TAFA1: variants seen among roughly 807,000 people sequenced by gnomAD.
TAFA1 encodes TAFA chemokine like family member 1.
In TAFA1, 4 loss-of-function variants were observed where a neutral mutation model predicts 18.5. The observed-to-expected ratio is 0.22, with a 90% CI of 0.11 to 0.49. TAFA1 has a LOEUF of 0.49. Ranked by LOEUF, TAFA1 falls within the 20% of genes least tolerant of loss-of-function variation. The pLI, the probability that TAFA1 is intolerant of heterozygous loss-of-function variation, is 0.98. For synonymous variants in TAFA1, 56 were observed against 55.2 expected (o/e 1.01, Z -0.06); for missense variants, 147 against 169.0 (o/e 0.87, Z 0.72).
At chr3:68,457,926 C>A (rs2071696818) in intron 3 of TAFA1, among the ~76,000 whole-genome samples, 1 of 152,070 alleles carries the variant, frequency 6.6e-6, no homozygotes, top group South Asian at 2.1e-4. Context: ...GTCCCATAGA[C>A]CATGATTTGA....
intron 2 of TAFA1, among the ~76,000 whole-genome samples, chr3:68,210,468 A>G (rs886289805): frequency 6.6e-6 from 1 of 152,032 alleles, no homozygotes; most frequent in Admixed American, 6.6e-5. Context: ...CAAAGGGATC[A>G]TATCCTCCAG....
At chr3:68,422,839 T>C (rs1331043499) in intron 3 of TAFA1, among the ~76,000 whole-genome samples, 1 of 152,082 alleles carries the variant, frequency 6.6e-6, no homozygotes, top group Non-Finnish European at 1.5e-5. Flanking sequence ...ATACCCTAAT[T>C]AGTAATTAAT....
chr3:68,425,474 A>G (rs2071035116), intron 3 of TAFA1, among the ~76,000 whole-genome samples: 4 of 151,984 alleles, frequency 2.6e-5, no homozygotes, highest in Admixed American at 2.6e-4. Flanking sequence ...TAACATCTTT[A>G]GTGAAGTGAT....
intron 2 of TAFA1, among the ~76,000 whole-genome samples, chr3:68,309,987 C>T (rs1296588715): frequency 2.6e-5 from 4 of 152,238 alleles, no homozygotes; most frequent in Non-Finnish European, 5.9e-5. Context: ...AAAAGGTAAC[C>T]CTTTCTCGAG....
At chr3:68,232,996 C>G (rs2066889404) in intron 2 of TAFA1, among the ~76,000 whole-genome samples, 1 of 152,196 alleles carries the variant, frequency 6.6e-6, no homozygotes, top group Admixed American at 6.5e-5. Flanking sequence ...TCCCTTTTCT[C>G]TGCATCCTTG....
At chr3:68,077,127 T>C (rs1415544041) in intron 2 of TAFA1, among the ~76,000 whole-genome samples, 3 of 149,846 alleles carry the variant, frequency 2.0e-5, no homozygotes, top group African/African-American at 7.4e-5. Flanking sequence ...TGTCTGTTCA[T>C]GTCCTTTGCC....
chr3:68,298,068 T>C (rs1346239640), intron 2 of TAFA1, among the ~76,000 whole-genome samples: 1 of 152,182 alleles, frequency 6.6e-6, no homozygotes, highest in African/African-American at 2.4e-5. Flanking sequence ...GGAGATGTTT[T>C]CCCTGTCCAT....
chr3:68,392,894 T>C (rs1399992466), intron 2 of TAFA1, among the ~76,000 whole-genome samples: 3 of 152,048 alleles, frequency 2.0e-5, no homozygotes, highest in Admixed American at 6.6e-5. Flanking sequence ...AATGTCCACA[T>C]GAGAAAGTGG....
At chr3:68,291,646 G>C (rs928908061) in intron 2 of TAFA1, among the ~76,000 whole-genome samples, 7 of 151,656 alleles carry the variant, frequency 4.6e-5, no homozygotes, top group African/African-American at 1.5e-4. Context: ...CGATCCACAC[G>C]TTAAGGTAGT....
intron 3 of TAFA1, among the ~76,000 whole-genome samples, chr3:68,473,541 T>C (rs1305669306): frequency 3.9e-5 from 6 of 152,110 alleles, no homozygotes; most frequent in Non-Finnish European, 2.9e-5. Flanking sequence ...GTAGCATTAT[T>C]TCCATCATGA....
At chr3:68,425,435 G>T (rs956681710) in intron 3 of TAFA1, among the ~76,000 whole-genome samples, 9 of 151,928 alleles carry the variant, frequency 5.9e-5, no homozygotes, top group African/African-American at 2.2e-4. Context: ...AGGGAAATTC[G>T]ATTGTTCTTA....
At chr3:68,231,818 G>A (rs1012456373) in intron 2 of TAFA1, among the ~76,000 whole-genome samples, 2 of 152,110 alleles carry the variant, frequency 1.3e-5, no homozygotes, top group Non-Finnish European at 2.9e-5. Context: ...TCCCAGAAAG[G>A]TTCCTCGTGC....
intron 3 of TAFA1, among the ~76,000 whole-genome samples, chr3:68,487,281 A>T (rs2072361492): frequency 6.6e-6 from 1 of 152,186 alleles, no homozygotes; most frequent in Admixed American, 6.5e-5. Context: ...TTTTTATAAC[A>T]CACTGTAAAT....
At chr3:68,301,192 T>C (rs2068297950) in intron 2 of TAFA1, among the ~76,000 whole-genome samples, 1 of 152,216 alleles carries the variant, frequency 6.6e-6, no homozygotes, top group Non-Finnish European at 1.5e-5. Flanking sequence ...CTTTTACTGT[T>C]TTCTTCTGTT....
At chr3:68,367,717 A>C (rs769457488) in intron 2 of TAFA1, among the ~76,000 whole-genome samples, 9 of 152,150 alleles carry the variant, frequency 5.9e-5, no homozygotes, top group Non-Finnish European at 1.2e-4. Flanking sequence ...TCTCTGTGGT[A>C]GGACCCATGC....
At chr3:68,077,740 T>C (rs9713962) in intron 2 of TAFA1, among the ~76,000 whole-genome samples, 145,946 of 151,712 alleles carry the variant, frequency 0.96, 70,239 homozygotes, top group South Asian at 0.97. Flanking sequence ...AGTCAGGTAG[T>C]GTGATGCCTC....
chr3:68,339,924 A>G (rs993878071), intron 2 of TAFA1, among the ~76,000 whole-genome samples: 3 of 152,172 alleles, frequency 2.0e-5, no homozygotes, highest in African/African-American at 7.2e-5. Context: ...CAGCTCACAA[A>G]ATGCAGCTAT....
At chr3:68,144,315 T>C (rs2065709732) in intron 2 of TAFA1, among the ~76,000 whole-genome samples, 1 of 152,200 alleles carries the variant, frequency 6.6e-6, no homozygotes, top group African/African-American at 2.4e-5. Flanking sequence ...AAGAACATAC[T>C]ATTTATCTGA....
chr3:68,309,166 A>G (rs201708431), intron 2 of TAFA1, among the ~76,000 whole-genome samples: 1 of 152,182 alleles, frequency 6.6e-6, no homozygotes, highest in African/African-American at 2.4e-5. Context: ...AAGCTCTGTA[A>G]AAGTGAAATA....
Sources: gnomAD v4.1 joint callset for allele counts (sites outside exome capture counted in the v4.1 genomes callset) on GRCh38, gnomAD v4.1.1 for gene constraint, MANE v1.5 for transcripts, NCBI Gene and HGNC (gene_info 2026-07-23, HGNC 2026-07-21) for gene names.